Variants in CSMD1 observed in about 807,000 individuals in gnomAD.
The protein encoded by CSMD1 is CUB and Sushi multiple domains 1, also known as CUB and sushi domain-containing protein 1.
A neutral mutation model predicts 417.5 loss-of-function variants in CSMD1; 213 were observed. The observed-to-expected ratio is 0.51, with a 90% confidence interval of 0.46 to 0.57. CSMD1 has a LOEUF of 0.57. Ranked by LOEUF, CSMD1 falls within the 20% of genes least tolerant of loss-of-function variation. CSMD1 has a pLI of 0.00. For missense variants in CSMD1, 6,923 were observed against 4,529.7 expected (o/e 1.53, Z -15.17); for synonymous variants, 2,862 against 1,736.8 (o/e 1.65, Z -16.11).
intron 2 of CSMD1, among the ~76,000 whole-genome samples, chr8:4,456,229 A>G (rs1327669106): frequency 6.6e-6 from 1 of 152,126 alleles, no homozygotes; most frequent in African/African-American, 2.4e-5. Flanking sequence ...TTGGTTCAGA[A>G]AATATGCTTT....
intron 3 of CSMD1, among the ~76,000 whole-genome samples, chr8:4,236,039 G>GTTT (rs869245155): frequency 1.6e-4 from 5 of 31,682 alleles, no homozygotes; most frequent in African/African-American, 3.4e-4. Context: ...TTTTTTGTTT[G>GTTT]TTTTTTTTTT....
At chr8:3,492,015 G>T (rs1457817894) in intron 11 of CSMD1, among the ~76,000 whole-genome samples, 2 of 152,204 alleles carry the variant, frequency 1.3e-5, no homozygotes, top group Admixed American at 6.5e-5. Context: ...AGGGCAAATG[G>T]GAGGGGTAGG....
intron 2 of CSMD1, among the ~76,000 whole-genome samples, chr8:4,445,629 A>G (rs1464918649): frequency 3.9e-5 from 6 of 152,334 alleles, no homozygotes; most frequent in Admixed American, 3.9e-4. Context: ...TGGGCCAGGC[A>G]TGTGTTCCTA....
At chr8:3,319,146 C>A (rs1249814293) in intron 23 of CSMD1, among the ~76,000 whole-genome samples, 1 of 152,198 alleles carries the variant, frequency 6.6e-6, no homozygotes, top group East Asian at 1.9e-4. Flanking sequence ...GCTGAAAAGG[C>A]CTAGCTTTTA....
intron 1 of CSMD1, among the ~76,000 whole-genome samples, chr8:4,683,602 A>G (rs1257197262): frequency 6.6e-6 from 1 of 152,180 alleles, no homozygotes; most frequent in Non-Finnish European, 1.5e-5. Context: ...AAAACCTTTC[A>G]TCAGACAGTT....
intron 3 of CSMD1, among the ~76,000 whole-genome samples, chr8:4,195,668 G>A (rs958319945): frequency 6.6e-6 from 1 of 152,286 alleles, no homozygotes; most frequent in South Asian, 2.1e-4. Context: ...GCATGATGAA[G>A]CAGAGGCTGT....
chr8:4,801,651 C>A (rs1018035420), intron 1 of CSMD1, among the ~76,000 whole-genome samples: 1 of 152,102 alleles, frequency 6.6e-6, no homozygotes, highest in Non-Finnish European at 1.5e-5. Context: ...TTTATCTACA[C>A]CAGTGTCCTC....
chr8:4,119,620 C>A (rs1028128417), intron 3 of CSMD1, among the ~76,000 whole-genome samples: 1 of 152,066 alleles, frequency 6.6e-6, no homozygotes, highest in African/African-American at 2.4e-5. Flanking sequence ...GACTTCTGCT[C>A]TGTCTGTGCT....
At chr8:4,131,853 C>A (rs1440275623) in intron 3 of CSMD1, among the ~76,000 whole-genome samples, 1 of 145,132 alleles carries the variant, frequency 6.9e-6, no homozygotes, top group Non-Finnish European at 1.5e-5. Flanking sequence ...AGCTCCATCT[C>A]CCAGGTTCAC....
At chr8:3,108,352 G>A (rs571752970) in intron 44 of CSMD1, among the ~76,000 whole-genome samples, 2 of 152,236 alleles carry the variant, frequency 1.3e-5, no homozygotes, top group East Asian at 1.9e-4. Flanking sequence ...TCTTTCAATG[G>A]TCTTCATCTT....
At chr8:4,362,021 A>T (rs747395158) in intron 3 of CSMD1, among the ~76,000 whole-genome samples, 30 of 152,286 alleles carry the variant, frequency 2.0e-4, no homozygotes, top group Non-Finnish European at 3.1e-4. Flanking sequence ...AAGAAAAAGC[A>T]AGACAAGGAT....
chr8:4,964,346 C>T (rs1216677981), intron 1 of CSMD1, among the ~76,000 whole-genome samples: 1 of 151,364 alleles, frequency 6.6e-6, no homozygotes, highest in East Asian at 1.9e-4. Context: ...AATCCCATTT[C>T]TACAAAAAGT....
intron 3 of CSMD1, among the ~76,000 whole-genome samples, chr8:4,106,073 G>C (rs962956057): frequency 3.9e-5 from 6 of 152,204 alleles, no homozygotes; most frequent in Non-Finnish European, 7.3e-5. Context: ...GCAGGAGAAA[G>C]AGCTATGTAG....
intron 3 of CSMD1, among the ~76,000 whole-genome samples, chr8:4,174,226 T>A (rs531480943): frequency 1.3e-5 from 2 of 152,222 alleles, no homozygotes; most frequent in South Asian, 2.1e-4. Context: ...GAGGACACCG[T>A]CTTGAAAGCA....
chr8:3,270,277 T>G (rs28668032), intron 26 of CSMD1, among the ~76,000 whole-genome samples: 46,883 of 151,942 alleles, frequency 0.31, 7,412 homozygotes, highest in Non-Finnish European at 0.34. Context: ...AGGCTGGCCT[T>G]GAACTCCTGA....
At chr8:4,453,749 G>C (rs959802946) in intron 2 of CSMD1, among the ~76,000 whole-genome samples, 1 of 149,680 alleles carries the variant, frequency 6.7e-6, no homozygotes, top group Non-Finnish European at 1.5e-5. Flanking sequence ...GTAATTCCGG[G>C]TCCCCATTTG....
chr8:3,995,346 T>C (rs1393428342), intron 5 of CSMD1, among the ~76,000 whole-genome samples: 1 of 152,026 alleles, frequency 6.6e-6, no homozygotes, highest in East Asian at 1.9e-4. Flanking sequence ...TTCTTTTGAC[T>C]ATTATGATAA....
At chr8:3,796,727 G>A (rs919512174) in intron 5 of CSMD1, among the ~76,000 whole-genome samples, 1 of 150,832 alleles carries the variant, frequency 6.6e-6, no homozygotes, top group Non-Finnish European at 1.5e-5. Context: ...AATTCTATAT[G>A]TCACCTTGTT....
chr8:4,497,083 G>A (rs1182423070), intron 2 of CSMD1, among the ~76,000 whole-genome samples: 1 of 152,052 alleles, frequency 6.6e-6, no homozygotes, highest in South Asian at 2.1e-4. Flanking sequence ...CTAGACAGAC[G>A]CCATCGACAT....
Sources: gnomAD v4.1 joint callset for allele counts (sites outside exome capture counted in the v4.1 genomes callset) on GRCh38, gnomAD v4.1.1 for gene constraint, MANE v1.5 for transcripts, NCBI Gene and HGNC (gene_info 2026-07-23, HGNC 2026-07-21) for gene names.